Variants in KIF6 observed in about 807,000 individuals in gnomAD.
KIF6 encodes kinesin family member 6.
KIF6 carries 106 observed loss-of-function variants against 112.7 expected under a neutral mutation model. That is an observed-to-expected ratio of 0.94 (90% CI 0.80 to 1.11). KIF6 has a LOEUF of 1.11. KIF6 is among the 50% of genes least tolerant of loss of function. KIF6 has a pLI of 0.00. For synonymous variants in KIF6, 339 were observed against 339.9 expected, an observed-to-expected ratio of 1.00 and a Z score of 0.03; for missense variants, 929 against 964.0, an observed-to-expected ratio of 0.96 and a Z score of 0.48.
intron 19 of KIF6, among the ~76,000 whole-genome samples, chr6:39,356,620 C>T (rs1490438206): frequency 6.6e-6 from 1 of 152,114 alleles, no homozygotes; most frequent in Non-Finnish European, 1.5e-5. Context: ...GGCTCAGCAC[C>T]CCTTCAAACC....
At chr6:39,596,022 G>C in intron 7 of KIF6, 32 bp downstream of exon 7, 1 of 1,543,434 alleles carries the variant, frequency 6.5e-7, no homozygotes, top group African/African-American at 1.4e-5. Flanking sequence ...GGTAGCTATA[G>C]TTATTAATAC....
intron 9 of KIF6, chr6:39,583,163 A>C (rs1399950641): frequency 3.8e-6 from 1 of 260,346 alleles, no homozygotes; most frequent in Admixed American, 4.1e-5. Flanking sequence ...AACAAACAAA[A>C]ACAAAACCCT....
Position 39,454,560 on chromosome 6 carries a change from C to T in KIF6, c.1646-23399G>A, listed in dbSNP as rs9471107. ...AAAAAAAAAAAAAAAAAAGATCGAG[C>T]GTGAGCGACGCAGAAGACGGGTGAT... is the stretch of plus-strand genomic sequence containing the variant. On this transcript the variant is annotated intron_variant, in intron 13 of 22. Coordinates refer to ENST00000287152, the MANE Select transcript of KIF6 (RefSeq NM_145027.6). 8.9e-4 allele frequency among the ~76,000 whole-genome samples: 131 copies of T among 146,504 alleles called. 1 individual carries two copies. Among genetic ancestry groups the T allele is most frequent in the African/African-American group, 3.1e-3 (120 of 39,068 alleles).
chr6:39,435,375 TA>T (rs1376068871), intron 13 of KIF6, among the ~76,000 whole-genome samples: 2 of 152,336 alleles, frequency 1.3e-5, no homozygotes, highest in East Asian at 3.9e-4. Context: ...GGCAGGTATT[TA>T]AAAAAATTTT....
intron 5 of KIF6, among the ~76,000 whole-genome samples, chr6:39,631,175 C>T (rs1784334956): frequency 1.3e-5 from 2 of 150,254 alleles, no homozygotes; most frequent in South Asian, 4.2e-4. Flanking sequence ...TTGGATAATG[C>T]TGGGATCACT....
At chr6:39,674,552 G>A (rs1404730260) in intron 3 of KIF6, among the ~76,000 whole-genome samples, 2 of 151,950 alleles carry the variant, frequency 1.3e-5, no homozygotes, top group East Asian at 3.9e-4. Context: ...ACTGAGCTGA[G>A]CAAGTTGACT....
At chr6:39,703,291 G>A (rs966722857) in intron 3 of KIF6, among the ~76,000 whole-genome samples, 1 of 132,302 alleles carries the variant, frequency 7.6e-6, no homozygotes, top group South Asian at 2.4e-4. Context: ...ATAAATGCTG[G>A]GTGTGATAAA....
intron 10 of KIF6, among the ~76,000 whole-genome samples, chr6:39,568,847 G>A (rs939517040): frequency 2.6e-5 from 4 of 152,092 alleles, no homozygotes; most frequent in Admixed American, 2.0e-4. Flanking sequence ...CACTGAGCCT[G>A]GCCGAGATTT....
intron 10 of KIF6, among the ~76,000 whole-genome samples, chr6:39,562,312 A>G (rs777466405): frequency 2.0e-5 from 3 of 152,234 alleles, no homozygotes; most frequent in Non-Finnish European, 4.4e-5. Context: ...AGTAGAAGCA[A>G]GTCTTTAGAA....
chr6:39,462,451 T>C (rs184738838), intron 13 of KIF6, among the ~76,000 whole-genome samples: 1 of 152,330 alleles, frequency 6.6e-6, no homozygotes, highest in East Asian at 1.9e-4. Context: ...CGAGATCACC[T>C]ACCTTTTGAA....
intron 13 of KIF6, among the ~76,000 whole-genome samples, chr6:39,455,705 G>T (rs982823025): frequency 1.3e-5 from 2 of 151,540 alleles, no homozygotes; most frequent in Non-Finnish European, 2.9e-5. Context: ...ACCAAGGCTC[G>T]AGAACTACGT....
chr6:39,501,646 T>G (rs1454380720), intron 13 of KIF6, among the ~76,000 whole-genome samples: 1 of 152,136 alleles, frequency 6.6e-6, no homozygotes, highest in African/African-American at 2.4e-5. Flanking sequence ...AACCGACCTG[T>G]AAGAGCTGAA....
At chr6:39,533,280 C>T (rs1294932122) in intron 13 of KIF6, among the ~76,000 whole-genome samples, 2 of 152,198 alleles carry the variant, frequency 1.3e-5, no homozygotes, top group African/African-American at 4.8e-5. Context: ...TGACAGATGG[C>T]ACCCGGAAAA....
intron 6 of KIF6, among the ~76,000 whole-genome samples, chr6:39,597,640 A>C (rs1782345230): frequency 6.6e-6 from 1 of 152,230 alleles, no homozygotes; most frequent in Non-Finnish European, 1.5e-5. Flanking sequence ...TTAAAGCTTT[A>C]AGTGTGAAAT....
At chr6:39,636,048 A>AGAGATAG (rs922108961) in intron 4 of KIF6, among the ~76,000 whole-genome samples, 9 of 151,994 alleles carry the variant, frequency 5.9e-5, no homozygotes, top group Non-Finnish European at 8.8e-5. Flanking sequence ...ACCAAGTCAC[A>AGAGATAG]GAGATAGGAG....
In KIF6 at chr6:39,361,174, G is replaced by A. The variant is rs79227684; in HGVS notation, c.1947-644C>T. Among the ~76,000 whole-genome samples, 2 of 152,132 alleles carry A rather than the reference G, an allele frequency of 1.3e-5. 1 individual carries two copies. The highest frequency in any genetic ancestry group is 4.1e-4 in the South Asian group (2 of 4,830). Reference sequence around the variant, plus strand: ...CCAATAGGAAACAGTCCAATAGCCAGGCCGAAGAGATAAGTTGGCCTCTAA... The same window carrying A: ...CCAATAGGAAACAGTCCAATAGCCAAGCCGAAGAGATAAGTTGGCCTCTAA... On this transcript the variant is annotated intron_variant, in intron 17 of 22. Transcript: ENST00000287152.
chr6:39,424,210 T>C (rs1451450906), intron 14 of KIF6, among the ~76,000 whole-genome samples: 4 of 152,220 alleles, frequency 2.6e-5, no homozygotes, highest in Non-Finnish European at 5.9e-5. Flanking sequence ...TCTTTTCCTC[T>C]GACTAATTTC....
intron 13 of KIF6, among the ~76,000 whole-genome samples, chr6:39,529,647 C>T (rs897475778): frequency 2.6e-5 from 4 of 151,972 alleles, no homozygotes; most frequent in Non-Finnish European, 5.9e-5. Flanking sequence ...ATTAGCCAGG[C>T]GTGGTGGTGG....
At chr6:39,634,760 G>T in intron 5 of KIF6, 89 bp downstream of exon 5, 2 of 833,286 alleles carry the variant, frequency 2.4e-6, no homozygotes, top group South Asian at 2.8e-5. Context: ...TTATGATTGA[G>T]ACCAGAAACA....
Sources: gnomAD v4.1 joint callset for allele counts (sites outside exome capture counted in the v4.1 genomes callset) on GRCh38, gnomAD v4.1.1 for gene constraint, MANE v1.5 for transcripts, NCBI Gene and HGNC (gene_info 2026-07-23, HGNC 2026-07-21) for gene names.